SPAG16: variants seen among roughly 807,000 people sequenced by gnomAD.
SPAG16 encodes the protein sperm-associated antigen 16 protein.
Under a neutral mutation model 80.4 loss-of-function variants are expected in SPAG16, and 86 were observed. That is an observed-to-expected ratio of 1.07 (90% CI 0.90 to 1.28). The LOEUF (loss-of-function observed/expected upper bound fraction) is 1.28, where lower values mean the gene tolerates loss of function less well. SPAG16 is among the 50% of genes most tolerant of loss of function. The probability of loss-of-function intolerance (pLI) is 0.00; values close to 1 mark genes in which losing one functional copy is unlikely to be tolerated. For synonymous variants in SPAG16, 294 were observed against 265.9 expected (o/e 1.11, Z -1.03); for missense variants, 870 against 765.3 (o/e 1.14, Z -1.61).
chr2:213,627,253 G>C (rs949727316), intron 10 of SPAG16, among the ~76,000 whole-genome samples: 16 of 152,174 alleles, frequency 1.1e-4, no homozygotes, highest in Non-Finnish European at 4.4e-5. Context: ...TTCCTCACGT[G>C]GTTAGGGAGA....
Position 213,364,229 on chromosome 2 carries a change from T to C in SPAG16, c.832+84T>C, listed in dbSNP as rs2066152778. 4 of 783,402 alleles carry C rather than the reference T, an allele frequency of 5.1e-6. No homozygotes were observed. The East Asian group carries it at 9.8e-5, about 19-fold the overall frequency. 48.5% of individuals were successfully genotyped at this position (783,402 alleles called of 1,614,324 possible). A position where few individuals can be genotyped will look rare whatever the true frequency, so the allele number is the denominator to read the frequency against. On this transcript the variant is annotated intron_variant, in intron 8 of 15. Transcript: ENST00000331683. ...ATCAGTGATTAATATTCTAGAGATA[T>C]TTAAAGGTGAGTAAGTGGTGGCTAT...
intron 13 of SPAG16, among the ~76,000 whole-genome samples, chr2:214,102,460 T>C (rs2053117700): frequency 6.6e-6 from 1 of 152,188 alleles, no homozygotes; most frequent in East Asian, 1.9e-4. Flanking sequence ...TACCCAATTG[T>C]AAGGTCCCGA....
chr2:213,670,185 A>G (rs993519630), intron 10 of SPAG16, among the ~76,000 whole-genome samples: 4 of 151,700 alleles, frequency 2.6e-5, no homozygotes, highest in African/African-American at 7.3e-5. Flanking sequence ...TTTAGTAGAG[A>G]TGGGATTTCA....
At chr2:213,329,365 C>G (rs1383518327) in intron 5 of SPAG16, among the ~76,000 whole-genome samples, 2 of 152,110 alleles carry the variant, frequency 1.3e-5, no homozygotes, top group Non-Finnish European at 2.9e-5. Context: ...ACAAAGAAAT[C>G]CAGGCTGAGA....
At chr2:213,421,229 C>A (rs1298129953) in intron 9 of SPAG16, among the ~76,000 whole-genome samples, 1 of 152,242 alleles carries the variant, frequency 6.6e-6, no homozygotes, top group Non-Finnish European at 1.5e-5. Context: ...CTGCTCCTGG[C>A]ACCCACTTTG....
chr2:213,490,155 C>T, intron 10 of SPAG16, 65 bp downstream of exon 10: 1 of 1,432,112 alleles, frequency 7.0e-7, no homozygotes, highest in Non-Finnish European at 9.4e-7. Context: ...TTTTAATGCT[C>T]TTACAGCCAT....
At chr2:213,471,738 C>T (rs2073091273) in intron 9 of SPAG16, among the ~76,000 whole-genome samples, 1 of 152,150 alleles carries the variant, frequency 6.6e-6, no homozygotes, top group South Asian at 2.1e-4. Context: ...TTCTGGAGCC[C>T]ACTCAAAACT....
chr2:214,112,118 G>A (rs1349704784), intron 14 of SPAG16, among the ~76,000 whole-genome samples: 1 of 152,154 alleles, frequency 6.6e-6, no homozygotes, highest in African/African-American at 2.4e-5. Flanking sequence ...TAGTTGTGTG[G>A]TTTTGAGTGA....
rs2062440937 is a variant in SPAG16 at position 213,295,027 on chromosome 2, G to C, written c.137-1037G>C. On this transcript the variant is annotated intron_variant, in intron 1 of 15. Coordinates refer to ENST00000331683, the MANE Select transcript of SPAG16 (RefSeq NM_024532.5). ...ATTAAATACTGTGTAAGTGTTATCT[G>C]TTCTTGTTATAAGCAACAGAAGTTG... Among the ~76,000 whole-genome samples, 4 of 152,222 alleles carry C rather than the reference G, an allele frequency of 2.6e-5. No homozygotes were observed. In the South Asian group the frequency reaches 8.3e-4, roughly 32 times the overall value.
chr2:213,608,188 T>C (rs2061328996), intron 10 of SPAG16, among the ~76,000 whole-genome samples: 1 of 152,152 alleles, frequency 6.6e-6, no homozygotes, highest in Non-Finnish European at 1.5e-5. Context: ...TCTATTATTA[T>C]TATACTTTAA....
intron 15 of SPAG16, among the ~76,000 whole-genome samples, chr2:214,233,554 T>A (rs985847420): frequency 1.3e-5 from 2 of 152,094 alleles, no homozygotes; most frequent in African/African-American, 4.8e-5. Flanking sequence ...GAAAGAAGTC[T>A]AAGACAGGAA....
chr2:213,588,671 G>A lies in SPAG16; in HGVS notation c.1070+98581G>A, dbSNP rs13028423. Among the ~76,000 whole-genome samples, 279 of 150,428 alleles carry A rather than the reference G, an allele frequency of 1.9e-3. 2 individuals carry two copies. The highest frequency in any genetic ancestry group is 5.6e-3 in the African/African-American group (231 of 41,040). ...CAAAAAATCAGCCGGGCGCGGTGGC[G>A]GGCGCCTGTAGTCCCAGCTACTCGG... On this transcript the variant is annotated intron_variant, in intron 10 of 15. Coordinates refer to ENST00000331683, the MANE Select transcript of SPAG16 (RefSeq NM_024532.5).
chr2:214,243,300 A>G (rs1382398639), intron 15 of SPAG16, among the ~76,000 whole-genome samples: 1 of 152,100 alleles, frequency 6.6e-6, no homozygotes. Flanking sequence ...CTTAAGATGA[A>G]CCAACGATTT....
At chr2:214,317,681 G>T (rs1055237944) in intron 15 of SPAG16, among the ~76,000 whole-genome samples, 4 of 152,226 alleles carry the variant, frequency 2.6e-5, no homozygotes, top group Admixed American at 6.5e-5. Flanking sequence ...GGTTCTCTGT[G>T]ATTGTATCAG....
chr2:214,308,631 C>A (rs2125972971), intron 15 of SPAG16, among the ~76,000 whole-genome samples: 1 of 152,132 alleles, frequency 6.6e-6, no homozygotes, highest in Admixed American at 6.6e-5. Context: ...TGTTATTTCT[C>A]CTTTGCTTAT....
chr2:214,118,723 ACAATT>A lies in SPAG16; in HGVS notation c.1593+10466_1593+10470del, dbSNP rs530395603. Among the ~76,000 whole-genome samples, 718 of 152,274 alleles carry A rather than the reference ACAATT, an allele frequency of 4.7e-3. 4 individuals carry two copies. Among genetic ancestry groups the A allele is most frequent in the South Asian group, 0.024 (114 of 4,824 alleles). On this transcript the variant is annotated intron_variant, in intron 14 of 15. Coordinates refer to ENST00000331683, the MANE Select transcript of SPAG16 (RefSeq NM_024532.5). ...TAGACATATGGCGATTATGGGAACT[ACAATT>A]CAAGAGGAAATTGAGAGGGGATACA...
At chr2:213,323,723 C>T (rs1343772941) in intron 5 of SPAG16, among the ~76,000 whole-genome samples, 2 of 152,038 alleles carry the variant, frequency 1.3e-5, no homozygotes, top group Non-Finnish European at 2.9e-5. Flanking sequence ...ATAGAAACAA[C>T]CTAAATGTTC....
At chr2:214,314,147 T>C (rs561196500) in intron 15 of SPAG16, among the ~76,000 whole-genome samples, 1 of 152,168 alleles carries the variant, frequency 6.6e-6, no homozygotes, top group Non-Finnish European at 1.5e-5. Context: ...ACATGGTCAG[T>C]TGCTTCTGGA....
At chr2:213,666,658 A>G (rs1307793562) in intron 10 of SPAG16, among the ~76,000 whole-genome samples, 2 of 152,206 alleles carry the variant, frequency 1.3e-5, no homozygotes, top group Admixed American at 6.5e-5. Context: ...AGAGAATACA[A>G]GACCCACTGC....
Sources: allele counts gnomAD v4.1 joint callset (sites outside exome capture counted in the v4.1 genomes callset), GRCh38; gene constraint gnomAD v4.1.1; transcripts MANE v1.5; gene names NCBI Gene and HGNC (gene_info 2026-07-23, HGNC 2026-07-21).